The following ZNF292 variants were observed in gnomAD, a reference collection of about 807,000 sequenced individuals.
ZNF292 encodes the protein zinc finger protein 292.
Under a neutral mutation model 217.9 loss-of-function variants are expected in ZNF292, and 26 were observed. That is an observed-to-expected ratio of 0.12 (90% CI 0.09 to 0.17). ZNF292 has a LOEUF of 0.17. Ranked by LOEUF, ZNF292 falls within the 10% of genes least tolerant of loss-of-function variation. The pLI is 1.00. For missense variants in ZNF292, 2,904 were observed against 3,175.2 expected, an observed-to-expected ratio of 0.91 and a Z score of 2.05; for synonymous variants, 1,257 against 1,124.1, an observed-to-expected ratio of 1.12 and a Z score of -2.37.
intron 1 of ZNF292, among the ~76,000 whole-genome samples, chr6:87,201,646 C>T (rs550102460): frequency 2.8e-4 from 43 of 152,268 alleles, no homozygotes; most frequent in African/African-American, 9.9e-4. Flanking sequence ...TCAAGTGATC[C>T]GCCCACCTCA....
rs564875790 is a variant in ZNF292, at chr6:87,182,243, G to A, written c.168+26484G>A. 3.3e-5 allele frequency among the ~76,000 whole-genome samples: 5 copies of A among 152,286 alleles called. No individual in the cohort carries two copies. The South Asian group carries it at 1.0e-3, about 32-fold the overall frequency. On this transcript the variant is annotated intron_variant, in intron 1 of 7. Coordinates refer to ENST00000369577, the MANE Select transcript of ZNF292 (RefSeq NM_015021.3). The stretch of plus-strand genomic sequence containing the variant: ...CATCGATCCCAAAAATGGTTGAGCT[G>A]AGAGAATGGAATAATTGTGTAAGTG...
chr6:87,178,754 C>A (rs534886016), intron 1 of ZNF292, among the ~76,000 whole-genome samples: 14 of 152,106 alleles, frequency 9.2e-5, no homozygotes, highest in Non-Finnish European at 1.8e-4. Flanking sequence ...AAAGCAGAAC[C>A]CAAACTAAGT....
intron 5 of ZNF292, among the ~76,000 whole-genome samples, chr6:87,237,625 A>G (rs73485813): frequency 0.085 from 13,004 of 152,330 alleles, 964 homozygotes; most frequent in African/African-American, 0.2. Context: ...ATAGTGTTCT[A>G]TATTTTTTGA....
intron 5 of ZNF292, among the ~76,000 whole-genome samples, chr6:87,242,952 T>G (rs1486750028): frequency 6.6e-6 from 1 of 152,180 alleles, no homozygotes; most frequent in African/African-American, 2.4e-5. Flanking sequence ...GGTGAGCTTA[T>G]TTTAAAAGTG....
rs2127857857 is a variant in ZNF292, at chr6:87,255,335, A to T, written c.1706A>T (p.Tyr569Phe). ...CAGAAACATTACAAAGATGGAATTT[A>T]TAGTTGCCCCATATGTGCAAAGAAC... ...HAQKHYKDGI[Y>F]SCPICAKNFN... The change falls in exon 8 of 8, where the codon TAT becomes TTT. Residue 569 changes from tyrosine (Y) to phenylalanine (F), a missense_variant. Coordinates refer to ENST00000369577, the MANE Select transcript of ZNF292 (RefSeq NM_015021.3). The T allele has an allele frequency of 6.2e-7, 1 of 1,613,818 alleles. No individual in the cohort carries two copies. Among genetic ancestry groups the T allele is most frequent in the East Asian group, 2.2e-5 (1 of 44,866 alleles).
At chr6:87,171,233 G>A (rs1771086059) in intron 1 of ZNF292, among the ~76,000 whole-genome samples, 1 of 152,104 alleles carries the variant, frequency 6.6e-6, no homozygotes, top group African/African-American at 2.4e-5. Flanking sequence ...CTTTATAGTT[G>A]AAACCTTTCC....
chr6:87,171,660 A>G (rs1468646206), intron 1 of ZNF292, among the ~76,000 whole-genome samples: 1 of 152,202 alleles, frequency 6.6e-6, no homozygotes, highest in East Asian at 1.9e-4. Flanking sequence ...AAAAATTGAC[A>G]TAGTTTACAG....
chr6:87,180,788 C>T (rs1489825634), intron 1 of ZNF292, among the ~76,000 whole-genome samples: 1 of 152,160 alleles, frequency 6.6e-6, no homozygotes, highest in Non-Finnish European at 1.5e-5. Flanking sequence ...AAGTTTGTTC[C>T]TTCCGTGGAT....
chr6:87,160,481 T>TTG (rs1554193631), intron 1 of ZNF292, among the ~76,000 whole-genome samples: 2 of 99,902 alleles, frequency 2.0e-5, no homozygotes, highest in African/African-American at 5.2e-5. Flanking sequence ...GTACATGTGT[T>TTG]TGTATATATA....
In ZNF292 at chr6:87,262,994, G is replaced by A. The variant is rs1775677125; in HGVS notation, c.*1193G>A. The A allele has an allele frequency of 6.6e-6, 1 of 151,918 alleles. No homozygotes were observed. Among genetic ancestry groups the A allele is most frequent in the African/African-American group, 2.4e-5 (1 of 41,392 alleles). The allele number at this position is 151,918 out of a possible 1,614,324, so 9.4% of individuals were successfully genotyped here. ...GGAAGTTGGATGTTTTGATTTTACT[G>A]TTTATAGATGTTAGATTGTACAGAT... On this transcript the variant is annotated 3_prime_UTR_variant, in exon 8 of 8. Transcript: ENST00000369577.
In ZNF292 at chr6:87,256,047, G is replaced by A. The variant is rs553975698; in HGVS notation, c.2418G>A (p.Thr806=). 46 of 1,609,474 alleles carry A rather than the reference G, an allele frequency of 2.9e-5. 1 individual carries two copies. In the East Asian group the frequency reaches 3.1e-4, roughly 11 times the overall value. ...LYDHEAQHYN[T]YTCKFTGCGK... ...ATCATGAAGCACAACATTATAATAC[G>A]TACACTTGTAAGTTCACAGGTTGTG... The change falls in exon 8 of 8, where the codon ACG becomes ACA. Residue 806 remains threonine (T), a synonymous_variant. Coordinates refer to ENST00000369577, the MANE Select transcript of ZNF292 (RefSeq NM_015021.3).
intron 1 of ZNF292, among the ~76,000 whole-genome samples, chr6:87,166,197 T>C (rs927485370): frequency 1.3e-5 from 2 of 152,254 alleles, no homozygotes; most frequent in African/African-American, 4.8e-5. Context: ...GTTTACTTTT[T>C]TCAGCATTAC....
In ZNF292 at chr6:87,258,021, A is replaced by G. The variant is rs547840390; in HGVS notation, c.4392A>G (p.Ala1464=). The part of the protein sequence containing the change: ...LQLLAENRSP[A]FLPNTFPRSG... ...TTCTTGCTGAAAATCGCTCGCCAGCATTTTTACCAAATACATTTCCTCGAT... is the reference window on the plus strand; with the variant it reads ...TTCTTGCTGAAAATCGCTCGCCAGCGTTTTTACCAAATACATTTCCTCGAT... The change falls in exon 8 of 8, where the codon GCA becomes GCG. Residue 1464 remains alanine (A), a synonymous_variant. Transcript: ENST00000369577. 8 of 1,613,892 alleles carry G rather than the reference A, an allele frequency of 5.0e-6. No homozygotes were observed. The South Asian group carries it at 6.6e-5, about 13-fold the overall frequency.
intron 1 of ZNF292, among the ~76,000 whole-genome samples, chr6:87,196,926 C>A (rs1221378717): frequency 2.0e-5 from 3 of 152,020 alleles, no homozygotes; most frequent in Non-Finnish European, 4.4e-5. Flanking sequence ...AACAATAGAT[C>A]CAGAAAATTA....
At chr6:87,230,320 G>A (rs1353239361) in intron 4 of ZNF292, among the ~76,000 whole-genome samples, 1 of 152,196 alleles carries the variant, frequency 6.6e-6, no homozygotes, top group Non-Finnish European at 1.5e-5. Flanking sequence ...AGGACCTAGT[G>A]TAACCTGTGG....
chr6:87,245,006 C>T (rs762220514), intron 6 of ZNF292, among the ~76,000 whole-genome samples: 3 of 151,998 alleles, frequency 2.0e-5, no homozygotes, highest in Non-Finnish European at 4.4e-5. Context: ...TGTGGGTGGC[C>T]GAGGTGGGCG....
chr6:87,196,363 T>C (rs1771953193), intron 1 of ZNF292, among the ~76,000 whole-genome samples: 1 of 152,218 alleles, frequency 6.6e-6, no homozygotes, highest in Non-Finnish European at 1.5e-5. Flanking sequence ...GTTTCCTTGC[T>C]ACACTTTCAT....
intron 4 of ZNF292, among the ~76,000 whole-genome samples, chr6:87,229,283 T>G (rs1032608210): frequency 2.0e-5 from 3 of 152,198 alleles, no homozygotes; most frequent in Non-Finnish European, 4.4e-5. Flanking sequence ...TTTACCAAAT[T>G]TGTTTATTAG....
intron 7 of ZNF292, among the ~76,000 whole-genome samples, chr6:87,253,143 C>T (rs1437560726): frequency 1.3e-5 from 2 of 150,812 alleles, no homozygotes; most frequent in African/African-American, 4.9e-5. Flanking sequence ...AAACTCTTGG[C>T]CTCAATCAGT....
Sources: gnomAD v4.1 joint callset for allele counts (sites outside exome capture counted in the v4.1 genomes callset) on GRCh38, gnomAD v4.1.1 for gene constraint, MANE v1.5 for transcripts, NCBI Gene and HGNC (gene_info 2026-07-23, HGNC 2026-07-21) for gene names.